TSPEAR: variants seen among roughly 807,000 people sequenced by gnomAD.
TSPEAR encodes thrombospondin-type laminin G domain and EAR repeat-containing protein.
TSPEAR carries 69 observed loss-of-function variants against 71.6 expected under a neutral mutation model. The ratio of observed to expected loss-of-function variants is 0.96; its 90% CI spans 0.79 to 1.18. TSPEAR has a LOEUF of 1.18. Ranked by LOEUF, TSPEAR falls within the 50% of genes most tolerant of loss-of-function variation. The pLI, the probability that TSPEAR is intolerant of heterozygous loss-of-function variation, is 0.00. For missense variants in TSPEAR, 971 were observed against 894.9 expected, an observed-to-expected ratio of 1.09 and a Z score of -1.09; for synonymous variants, 402 against 387.2, an observed-to-expected ratio of 1.04 and a Z score of -0.45.
chr21:44,510,411 C>T (rs1170077406), intron 9 of TSPEAR, among the ~76,000 whole-genome samples: 2 of 152,316 alleles, frequency 1.3e-5, no homozygotes, highest in East Asian at 1.9e-4. Context: ...TGAGAGCCTC[C>T]CGTGACAGCA....
In TSPEAR at chr21:44,596,199, A is replaced by G. The variant is rs587626762; in HGVS notation, c.83-28194T>C. Among the ~76,000 whole-genome samples, 3 of 152,342 alleles carry G rather than the reference A, an allele frequency of 2.0e-5. No homozygotes were observed. In the South Asian group the frequency reaches 6.2e-4, roughly 32 times the overall value. ...CAGCTGTCAACTGGAGGCTGCCATC[A>G]TCTCTTTCCATGCGGCCTCAACGGG... On this transcript the variant is annotated intron_variant, in intron 1 of 11. Transcript: ENST00000323084.
At chr21:44,703,177 T>C (rs545733035) in intron 1 of TSPEAR, among the ~76,000 whole-genome samples, 46 of 152,326 alleles carry the variant, frequency 3.0e-4, no homozygotes, top group Admixed American at 3.0e-3. Context: ...CAGCCTAGTG[T>C]TTATTTCATT....
intron 1 of TSPEAR, among the ~76,000 whole-genome samples, chr21:44,665,760 C>A (rs1410780736): frequency 2.0e-5 from 3 of 152,142 alleles, no homozygotes; most frequent in Non-Finnish European, 4.4e-5. Flanking sequence ...AAAAACCAAG[C>A]CTTTGTGGAC....
At chr21:44,674,380 A>G (rs1158202675) in intron 1 of TSPEAR, among the ~76,000 whole-genome samples, 2 of 152,154 alleles carry the variant, frequency 1.3e-5, no homozygotes, top group Non-Finnish European at 2.9e-5. Context: ...ACACAAAATC[A>G]GAAATGAAAA....
chr21:44,672,892 C>T (rs1230079521), intron 1 of TSPEAR, among the ~76,000 whole-genome samples: 2 of 152,212 alleles, frequency 1.3e-5, no homozygotes, highest in African/African-American at 4.8e-5. Context: ...GACATTCCAG[C>T]TTCCCATTTG....
chr21:44,568,767 C>A (rs944367848), intron 1 of TSPEAR, among the ~76,000 whole-genome samples: 1 of 152,144 alleles, frequency 6.6e-6, no homozygotes, highest in African/African-American at 2.4e-5. Flanking sequence ...CTGGCCCCAG[C>A]CTGGGTAAAT....
chr21:44,677,887 A>G, intron 1 of TSPEAR: 1 of 1,393,036 alleles, frequency 7.2e-7, no homozygotes, highest in East Asian at 2.3e-5. Context: ...TGGGAAGCCC[A>G]TTTGGCATAT....
chr21:44,584,982 G>A (rs1340052633), intron 1 of TSPEAR, among the ~76,000 whole-genome samples: 1 of 151,996 alleles, frequency 6.6e-6, no homozygotes, highest in Non-Finnish European at 1.5e-5. Flanking sequence ...TCAATCTGTG[G>A]GCATGTTTCT....
At chr21:44,543,892 A>G (rs1347822989) in intron 2 of TSPEAR, among the ~76,000 whole-genome samples, 2 of 152,372 alleles carry the variant, frequency 1.3e-5, no homozygotes, top group East Asian at 3.9e-4. Flanking sequence ...TAGCTATGGT[A>G]GCACTAGGAA....
rs372173836 is a variant in TSPEAR, at chr21:44,529,858, G to T, written c.730C>A (p.Arg244=). The part of the protein sequence containing the change: ...NAPLAVLSIP[R]VLQALTGKPE... ...TTCCCCGTGAGAGCCTGCAGGACCCGTGGGATGGACAGCACCGCCAGCGGG... is the reference window on the plus strand; with the variant it reads ...TTCCCCGTGAGAGCCTGCAGGACCCTTGGGATGGACAGCACCGCCAGCGGG... Residue 244 remains arginine, a synonymous_variant, in exon 5 of 12, where the codon CGG becomes AGG. Transcript: ENST00000323084. 1 of 1,613,810 alleles carries T rather than the reference G, an allele frequency of 6.2e-7. No individual in the cohort carries two copies. The highest frequency in any genetic ancestry group is 1.1e-5 in the South Asian group (1 of 91,092).
chr21:44,675,296 A>C (rs1986256873), intron 1 of TSPEAR, among the ~76,000 whole-genome samples: 1 of 152,234 alleles, frequency 6.6e-6, no homozygotes, highest in African/African-American at 2.4e-5. Context: ...AACATGATAT[A>C]TCACATTAAC....
At chr21:44,589,598 G>A (rs1193948088) in intron 1 of TSPEAR, among the ~76,000 whole-genome samples, 1 of 152,230 alleles carries the variant, frequency 6.6e-6, no homozygotes, top group African/African-American at 2.4e-5. Flanking sequence ...TTGAAGCTCT[G>A]ATGAAGCAGA....
At chr21:44,681,495 G>C (rs1986585482) in intron 1 of TSPEAR, 1 of 271,030 alleles carries the variant, frequency 3.7e-6, no homozygotes, top group African/African-American at 2.2e-5. Context: ...ACTGAAGAGG[G>C]TTTAGCAGCA....
At chr21:44,655,434 G>A (rs587728931) in intron 1 of TSPEAR, among the ~76,000 whole-genome samples, 76 of 152,306 alleles carry the variant, frequency 5.0e-4, no homozygotes, top group Admixed American at 1.2e-3. Context: ...TGGCTCAGGC[G>A]TGTGACCACA....
At chr21:44,627,446 C>T (rs367973343) in intron 1 of TSPEAR, 10 of 1,613,580 alleles carry the variant, frequency 6.2e-6, no homozygotes, top group Non-Finnish European at 8.5e-6. Flanking sequence ...TACTGCACCT[C>T]CTCCCCCTGC....
chr21:44,559,064 T>G (rs965549943), intron 2 of TSPEAR, among the ~76,000 whole-genome samples: 7 of 152,022 alleles, frequency 4.6e-5, no homozygotes, highest in Admixed American at 4.6e-4. Flanking sequence ...CAGTGGCAGT[T>G]AGGAGATATT....
intron 1 of TSPEAR, among the ~76,000 whole-genome samples, chr21:44,586,296 G>A (rs587736003): frequency 3.3e-5 from 5 of 152,184 alleles, no homozygotes; most frequent in Non-Finnish European, 7.3e-5. Flanking sequence ...AAGAAAACCC[G>A]ATCTTTTTGT....
chr21:44,676,204 G>A (rs1358438688), intron 1 of TSPEAR: 2 of 1,295,028 alleles, frequency 1.5e-6, no homozygotes, highest in Non-Finnish European at 2.2e-6. Flanking sequence ...ATCAATCATT[G>A]CTACCCTTCG....
intron 11 of TSPEAR, among the ~76,000 whole-genome samples, chr21:44,502,007 T>C (rs2052041231): frequency 6.6e-6 from 1 of 152,232 alleles, no homozygotes; most frequent in Admixed American, 6.5e-5. Context: ...CTATTATAGA[T>C]GCTAAAAGCT....
Sources: allele counts gnomAD v4.1 joint callset (sites outside exome capture counted in the v4.1 genomes callset), GRCh38; gene constraint gnomAD v4.1.1; transcripts MANE v1.5; gene names NCBI Gene and HGNC (gene_info 2026-07-23, HGNC 2026-07-21).